The following TASP1 variants were observed in gnomAD, a reference collection of about 807,000 sequenced individuals.
TASP1 encodes taspase 1.
TASP1 carries 16 observed loss-of-function variants against 56.6 expected under a neutral mutation model. The ratio of observed to expected loss-of-function variants is 0.28; its 90% CI spans 0.19 to 0.43. The LOEUF is 0.43. TASP1 is among the 20% of genes least tolerant of loss of function. The probability of loss-of-function intolerance (pLI) is 1.00; values close to 1 mark genes in which losing one functional copy is unlikely to be tolerated. For missense variants in TASP1, 393 were observed against 511.6 expected, an observed-to-expected ratio of 0.77 and a Z score of 2.24; for synonymous variants, 179 against 184.2, an observed-to-expected ratio of 0.97 and a Z score of 0.23.
At chr20:13,235,012 C>A in the TASP1 span, among the ~76,000 whole-genome samples, 1 of 152,136 alleles carries the variant, frequency 6.6e-6, no homozygotes, top group Non-Finnish European at 1.5e-5. Flanking sequence ...AGTTGCAGGT[C>A]CCAGAAAGCA....
chr20:13,308,659 G>A, the TASP1 span, among the ~76,000 whole-genome samples: 64 of 152,122 alleles, frequency 4.2e-4, no homozygotes, highest in Non-Finnish European at 7.2e-4. Flanking sequence ...TAGGCTATTC[G>A]TATTGTCAAA....
At chr20:13,414,559 C>T (rs990175739) in intron 13 of TASP1, among the ~76,000 whole-genome samples, 13 of 152,060 alleles carry the variant, frequency 8.5e-5, no homozygotes, top group African/African-American at 3.1e-4. Flanking sequence ...TAAAAGAAAC[C>T]TAATTTCATG....
chr20:13,490,387 T>C (rs79332201), intron 10 of TASP1, among the ~76,000 whole-genome samples: 1,563 of 152,292 alleles, frequency 0.01, 29 homozygotes, highest in African/African-American at 0.035. Flanking sequence ...CTTTAAATCA[T>C]CTGTTTTTGA....
the TASP1 span, among the ~76,000 whole-genome samples, chr20:13,219,041 C>A: frequency 6.6e-6 from 1 of 152,158 alleles, no homozygotes; most frequent in Admixed American, 6.5e-5. Context: ...TTTTAAAGGT[C>A]ATTTTTGCCT....
chr20:13,222,888 C>A, the TASP1 span, among the ~76,000 whole-genome samples: 3 of 152,286 alleles, frequency 2.0e-5, no homozygotes, highest in East Asian at 5.8e-4. Flanking sequence ...TCAAACCAGG[C>A]GCGGTGGCTC....
intron 4 of TASP1, among the ~76,000 whole-genome samples, chr20:13,610,413 C>CT (rs1160017070): frequency 6.6e-6 from 1 of 152,076 alleles, no homozygotes; most frequent in Non-Finnish European, 1.5e-5. Context: ...CACAAGGGGC[C>CT]TTCTGGAGGG....
At chr20:13,221,460 C>T in the TASP1 span, among the ~76,000 whole-genome samples, 1 of 146,062 alleles carries the variant, frequency 6.8e-6, no homozygotes, top group African/African-American at 2.5e-5. Context: ...GGGACCCAGT[C>T]TCCGTCTCCG....
At chr20:13,609,514 T>A (rs1446678188) in intron 4 of TASP1, among the ~76,000 whole-genome samples, 1 of 151,846 alleles carries the variant, frequency 6.6e-6, no homozygotes, top group African/African-American at 2.4e-5. Context: ...TGAAACCCCA[T>A]CTCTACTAAA....
intron 6 of TASP1, among the ~76,000 whole-genome samples, chr20:13,571,129 G>A (rs1351360503): frequency 3.3e-5 from 5 of 152,002 alleles, no homozygotes; most frequent in African/African-American, 1.2e-4. Flanking sequence ...AAATCAATTT[G>A]CTATTGTCAA....
At chr20:13,387,922 C>T (rs913957661), downstream of TASP1, among the ~76,000 whole-genome samples, 4 of 152,240 alleles carry the variant, frequency 2.6e-5, no homozygotes, top group Non-Finnish European at 5.9e-5. Flanking sequence ...CCAATCAGCA[C>T]AGGCACTCCA....
chr20:13,594,666 A>C (rs1036644297), intron 4 of TASP1, among the ~76,000 whole-genome samples: 1 of 152,256 alleles, frequency 6.6e-6, no homozygotes, highest in Non-Finnish European at 1.5e-5. Context: ...TGAGAAGACA[A>C]GAATAGAGAA....
At chr20:13,279,793 T>C in the TASP1 span, 2 of 1,613,960 alleles carry the variant, frequency 1.2e-6, no homozygotes, top group Non-Finnish European at 8.5e-7. Context: ...GGACTACAAG[T>C]ACGACAGTAC....
chr20:13,551,390 C>T (rs1412185347), intron 8 of TASP1, among the ~76,000 whole-genome samples: 5 of 151,796 alleles, frequency 3.3e-5, no homozygotes, highest in South Asian at 4.2e-4. Context: ...TAATTATGTA[C>T]ATTCAACTGT....
At chr20:13,241,948 G>A in the TASP1 span, among the ~76,000 whole-genome samples, 43 of 152,158 alleles carry the variant, frequency 2.8e-4, no homozygotes, top group Admixed American at 2.2e-3. Context: ...GTTGAGGGCC[G>A]TTGCAAGGAA....
chr20:13,279,069 A>G, the TASP1 span, among the ~76,000 whole-genome samples: 1 of 152,192 alleles, frequency 6.6e-6, no homozygotes, highest in African/African-American at 2.4e-5. Context: ...GGGAGGAGAA[A>G]TGGGCTCCAC....
chr20:13,182,854 C>T, the TASP1 span, among the ~76,000 whole-genome samples: 40 of 152,236 alleles, frequency 2.6e-4, no homozygotes, highest in Middle Eastern at 3.4e-3. Flanking sequence ...ATTTACATGA[C>T]GATAAAGTAG....
chr20:13,453,285 G>C (rs2043694709), intron 11 of TASP1, among the ~76,000 whole-genome samples: 1 of 152,096 alleles, frequency 6.6e-6, no homozygotes, highest in Non-Finnish European at 1.5e-5. Flanking sequence ...GGATCTTGTG[G>C]CAAAAGAGAA....
chr20:13,522,025 G>A (rs1358846184), intron 10 of TASP1, among the ~76,000 whole-genome samples: 1 of 152,132 alleles, frequency 6.6e-6, no homozygotes, highest in Non-Finnish European at 1.5e-5. Flanking sequence ...TGAGGGTGGA[G>A]GAGAAGCAGC....
chr20:13,527,194 A>C (rs138704272), intron 10 of TASP1, among the ~76,000 whole-genome samples: 386 of 152,262 alleles, frequency 2.5e-3, no homozygotes, highest in Non-Finnish European at 4.0e-3. Context: ...ACAAACCAAG[A>C]GGGTTCCAGG....
Sources: allele counts gnomAD v4.1 joint callset (sites outside exome capture counted in the v4.1 genomes callset), GRCh38; gene constraint gnomAD v4.1.1; transcripts MANE v1.5; gene names NCBI Gene and HGNC (gene_info 2026-07-23, HGNC 2026-07-21).